The following MACROD1 variants were observed in gnomAD, a reference collection of about 807,000 sequenced individuals.
MACROD1 encodes the protein ADP-ribose glycohydrolase MACROD1.
Under a neutral mutation model 41.4 loss-of-function variants are expected in MACROD1, and 31 were observed. The ratio of observed to expected loss-of-function variants is 0.75; its 90% CI spans 0.56 to 1.01. The LOEUF (loss-of-function observed/expected upper bound fraction) is 1.01, where lower values mean the gene tolerates loss of function less well. Ranked by LOEUF, MACROD1 falls within the 50% of genes least tolerant of loss-of-function variation. The probability of loss-of-function intolerance (pLI) is 0.00; values close to 1 mark genes in which losing one functional copy is unlikely to be tolerated. For missense variants in MACROD1, 473 were observed against 460.0 expected (o/e 1.03, Z -0.26); for synonymous variants, 252 against 203.4 (o/e 1.24, Z -2.03).
At chr11:64,069,600 G>A (rs974206125) in intron 3 of MACROD1, among the ~76,000 whole-genome samples, 1 of 152,174 alleles carries the variant, frequency 6.6e-6, no homozygotes, top group South Asian at 2.1e-4. Flanking sequence ...TGTGGAGGGG[G>A]CCAGGGCTGC....
chr11:64,029,338 G>A (rs1041790801), intron 3 of MACROD1, among the ~76,000 whole-genome samples: 5 of 152,168 alleles, frequency 3.3e-5, no homozygotes, highest in African/African-American at 1.2e-4. Flanking sequence ...GGCATCTGGC[G>A]GCCGGCAGAA....
At chr11:64,080,676 C>T (rs1177699445) in intron 3 of MACROD1, among the ~76,000 whole-genome samples, 1 of 152,176 alleles carries the variant, frequency 6.6e-6, no homozygotes, top group Non-Finnish European at 1.5e-5. Flanking sequence ...CTACACAGAC[C>T]TCAACTACTG....
At position 64,115,040 on chromosome 11, in the gene MACROD1, G is replaced by A. The variant is rs182382140; in HGVS notation, c.517+36199C>T. On this transcript the variant is annotated intron_variant, in intron 3 of 10. Transcript: ENST00000255681. ...CCTGCTGGCTCAGTGAGCAGGTGCC[G>A]GCTCTGCTCTGCACACCAGGGCTGC... 1.4e-4 allele frequency among the ~76,000 whole-genome samples: 22 copies of A among 152,220 alleles called. No homozygotes were observed. In the East Asian group the frequency reaches 2.9e-3, roughly 20 times the overall value.
chr11:64,109,900 G>A (rs895082765), intron 3 of MACROD1, among the ~76,000 whole-genome samples: 4 of 152,118 alleles, frequency 2.6e-5, no homozygotes, highest in East Asian at 3.9e-4. Flanking sequence ...AGTAGAGAAC[G>A]GGCCACTGGA....
In MACROD1 at chr11:64,047,047, C is replaced by T. The variant is rs560822544; in HGVS notation, c.518-31766G>A. Among the ~76,000 whole-genome samples, 4 of 152,308 alleles carry T rather than the reference C, an allele frequency of 2.6e-5. No individual in the cohort carries two copies. In the South Asian group the frequency reaches 6.2e-4, roughly 24 times the overall value. ...GCACCAGCCTCGCCCCAGTGCCCCCCCCGGCTAGCATGCTCACACCTCTGA... is the reference window on the plus strand; with the variant it reads ...GCACCAGCCTCGCCCCAGTGCCCCCTCCGGCTAGCATGCTCACACCTCTGA... On this transcript the variant is annotated intron_variant, in intron 3 of 10. Coordinates refer to ENST00000255681, the MANE Select transcript of MACROD1 (RefSeq NM_014067.4).
At chr11:64,068,370 G>A (rs1325912387) in intron 3 of MACROD1, among the ~76,000 whole-genome samples, 1 of 152,240 alleles carries the variant, frequency 6.6e-6, no homozygotes, top group Non-Finnish European at 1.5e-5. Flanking sequence ...CTCAGGCCCA[G>A]CTGCCCGCAT....
At chr11:64,037,908 G>T (rs769911669) in intron 3 of MACROD1, among the ~76,000 whole-genome samples, 9 of 152,146 alleles carry the variant, frequency 5.9e-5, no homozygotes, top group Non-Finnish European at 1.0e-4. Flanking sequence ...CCTGAGCCAG[G>T]GTGCTGCTTT....
At chr11:64,005,833 G>A (rs960975841) in intron 4 of MACROD1, among the ~76,000 whole-genome samples, 2 of 152,242 alleles carry the variant, frequency 1.3e-5, no homozygotes, top group Non-Finnish European at 2.9e-5. Flanking sequence ...GGAGACAGAG[G>A]GCCTTGGGGA....
chr11:64,016,385 A>G (rs988999987), intron 3 of MACROD1, among the ~76,000 whole-genome samples: 1 of 152,250 alleles, frequency 6.6e-6, no homozygotes, highest in Non-Finnish European at 1.5e-5. Flanking sequence ...GTGGGAGGCC[A>G]GCTGCGCCCG....
intron 3 of MACROD1, among the ~76,000 whole-genome samples, chr11:64,149,721 C>A (rs1945547401): frequency 6.6e-6 from 1 of 152,244 alleles, no homozygotes; most frequent in South Asian, 2.1e-4. Flanking sequence ...TTGCCAGTGA[C>A]TGGCAGGGCT....
chr11:64,008,548 C>T (rs1942952225), intron 4 of MACROD1, among the ~76,000 whole-genome samples: 1 of 151,588 alleles, frequency 6.6e-6, no homozygotes, highest in African/African-American at 2.4e-5. Context: ...GACAGGAGGG[C>T]AGAGGAGCGC....
chr11:64,113,417 C>CAGGG (rs113928065), intron 3 of MACROD1, among the ~76,000 whole-genome samples: 1 of 144,720 alleles, frequency 6.9e-6, no homozygotes, highest in Non-Finnish European at 1.5e-5. Flanking sequence ...CAGGTTGATG[C>CAGGG]ATGGATGGAT....
intron 3 of MACROD1, among the ~76,000 whole-genome samples, chr11:64,093,730 C>G (rs71454591): frequency 6.6e-6 from 1 of 152,308 alleles, no homozygotes; most frequent in African/African-American, 2.4e-5. Flanking sequence ...CTGGGCCTCC[C>G]GCTCTGTAGT....
chr11:64,121,806 CAGCACTGATGA>C (rs1186301468), intron 3 of MACROD1, among the ~76,000 whole-genome samples: 1 of 152,162 alleles, frequency 6.6e-6, no homozygotes, highest in Non-Finnish European at 1.5e-5. Flanking sequence ...TCAGCGGCCC[CAGCACTGATGA>C]GTACGTTTTG....
At chr11:64,148,433 A>C (rs1945526814) in intron 3 of MACROD1, among the ~76,000 whole-genome samples, 1 of 152,146 alleles carries the variant, frequency 6.6e-6, no homozygotes, top group African/African-American at 2.4e-5. Flanking sequence ...GCCAGATCTC[A>C]AGCTCCCAGC....
Position 63,999,744 on chromosome 11 carries a change from C to T in MACROD1, c.684G>A (p.Gly228=), listed in dbSNP as rs1316804191. 4.4e-6 allele frequency: 7 copies of T among 1,607,078 alleles called. No individual in the cohort carries two copies. Among genetic ancestry groups the T allele is most frequent in the East Asian group, 2.2e-5 (1 of 44,864 alleles). ...LPAKYVIHTV[G]PIAYGEPSAS... is the part of the protein sequence containing the mutation. ...CGCTGGGCTCCCCGTAGGCGATGGG[C>T]CCCACTGTGTGGATGACGTCTACGG... Residue 228 remains glycine, a synonymous_variant, in exon 6 of 11, where the codon GGG becomes GGA. Coordinates refer to ENST00000255681, the MANE Select transcript of MACROD1 (RefSeq NM_014067.4).
At chr11:64,045,755 C>T (rs1312128472) in intron 3 of MACROD1, among the ~76,000 whole-genome samples, 1 of 152,202 alleles carries the variant, frequency 6.6e-6, no homozygotes, top group African/African-American at 2.4e-5. Flanking sequence ...ATAGACCTCA[C>T]TTTTCTGGGG....
rs1943672399 is a variant in MACROD1 at position 64,050,471 on chromosome 11, C to T, written c.518-35190G>A. Among the ~76,000 whole-genome samples the T allele has an allele frequency of 2.0e-5, 3 of 152,220 alleles. No homozygotes were observed. The South Asian group carries it at 6.2e-4, about 32-fold the overall frequency. Reference sequence around the variant, plus strand: ...GCCCGGGCACTGCTTCCACTCTGCCCCTTCCTGGCTGTGTGGCCATGGATG... The same window carrying T: ...GCCCGGGCACTGCTTCCACTCTGCCTCTTCCTGGCTGTGTGGCCATGGATG... On this transcript the variant is annotated intron_variant, in intron 3 of 10. Transcript: ENST00000255681.
intron 3 of MACROD1, among the ~76,000 whole-genome samples, chr11:64,074,035 G>A (rs561524485): frequency 5.3e-5 from 8 of 152,316 alleles, no homozygotes; most frequent in African/African-American, 1.9e-4. Flanking sequence ...GTCTGCTCCA[G>A]GGCCACTGTC....
Sources: allele counts gnomAD v4.1 joint callset (sites outside exome capture counted in the v4.1 genomes callset), GRCh38; gene constraint gnomAD v4.1.1; transcripts MANE v1.5; gene names NCBI Gene and HGNC (gene_info 2026-07-23, HGNC 2026-07-21).